The following ADCY2 variants were observed in gnomAD, a reference collection of about 807,000 sequenced individuals.
ADCY2 encodes the protein adenylate cyclase 2.
ADCY2 carries 31 observed loss-of-function variants against 125.2 expected under a neutral mutation model. The observed-to-expected ratio is 0.25, with a 90% CI of 0.19 to 0.33. The LOEUF is 0.33. Ranked by LOEUF, ADCY2 falls within the 10% of genes least tolerant of loss-of-function variation. ADCY2 has a pLI of 1.00. For missense variants in ADCY2, 904 were observed against 1,418.2 expected (o/e 0.64, Z 5.82); for synonymous variants, 512 against 548.4 (o/e 0.93, Z 0.93).
chr5:7,548,603 C>T (rs1735224135), intron 3 of ADCY2, among the ~76,000 whole-genome samples: 1 of 152,186 alleles, frequency 6.6e-6, no homozygotes, highest in South Asian at 2.1e-4. Flanking sequence ...ATTATTCTGT[C>T]CCTTCAAGAA....
intron 2 of ADCY2, among the ~76,000 whole-genome samples, chr5:7,496,882 C>A (rs1386116289): frequency 6.6e-6 from 1 of 152,020 alleles, no homozygotes; most frequent in African/African-American, 2.4e-5. Context: ...AATAATATAT[C>A]TAGGAATAAA....
chr5:7,802,189 T>G lies in ADCY2; in HGVS notation c.2629-29T>G. On this transcript the variant is annotated intron_variant, in intron 20 of 24. Transcript: ENST00000338316. This position sits in a 1 kb window ranked among gnomAD's most constrained non-coding sequence, Gnocchi z 4.6. ...TTCTGTTTAAAGGTCAGTCTCCTAG[T>G]GATCAGCTCTTGCTTTTCTCCCAAG... 1 of 1,610,646 alleles carries G rather than the reference T, an allele frequency of 6.2e-7. No homozygotes were observed. Among genetic ancestry groups the G allele is most frequent in the South Asian group, 1.1e-5 (1 of 90,642 alleles).
At chr5:7,610,965 T>C (rs1561124147) in intron 3 of ADCY2, 2 of 152,180 alleles carry the variant, frequency 1.3e-5, no homozygotes, top group East Asian at 3.9e-4. Flanking sequence ...CCAGGCATGG[T>C]TTTTTTTCTC....
intron 5 of ADCY2, chr5:7,692,113 T>G (rs1740724899): frequency 6.6e-6 from 1 of 152,218 alleles, no homozygotes. Flanking sequence ...ACCATATCAC[T>G]GAGTTATCGC....
intron 22 of ADCY2, 109 bp downstream of exon 22, chr5:7,804,801 A>G (rs75533750): frequency 3.9e-6 from 3 of 766,340 alleles, no homozygotes; most frequent in Non-Finnish European, 6.7e-6. Flanking sequence ...TATTTTGTAC[A>G]ACCTAAAGCT....
chr5:7,698,590 A>G (rs988203364), intron 7 of ADCY2, among the ~76,000 whole-genome samples: 1 of 151,138 alleles, frequency 6.6e-6, no homozygotes, highest in Non-Finnish European at 1.5e-5. Flanking sequence ...CCCTGTGTCC[A>G]TGTGTTCTCA....
At chr5:7,487,811 T>G (rs568838334) in intron 2 of ADCY2, among the ~76,000 whole-genome samples, 2 of 152,340 alleles carry the variant, frequency 1.3e-5, no homozygotes, top group South Asian at 4.1e-4. Context: ...ATGGTACTTT[T>G]GAGTCATCAT....
chr5:7,413,690 A>G (rs1739820629), intron 1 of ADCY2, among the ~76,000 whole-genome samples: 1 of 151,944 alleles, frequency 6.6e-6, no homozygotes. Flanking sequence ...ATTCTGTTCC[A>G]TAGTAAACGC....
chr5:7,503,081 T>G (rs1743656526), intron 2 of ADCY2, among the ~76,000 whole-genome samples: 1 of 152,160 alleles, frequency 6.6e-6, no homozygotes, highest in Admixed American at 6.5e-5. Context: ...TTGCTCCCCT[T>G]GTATCCAGTG....
At chr5:7,816,742 G>A in intron 22 of ADCY2, 124 bp from the exon 23 acceptor site, 1 of 700,472 alleles carries the variant, frequency 1.4e-6, no homozygotes, top group Non-Finnish European at 2.5e-6. Context: ...AATGTTTGCA[G>A]TGCCTTGTAG....
At chr5:7,439,529 TACAC>T (rs66460653) in intron 2 of ADCY2, among the ~76,000 whole-genome samples, 5,736 of 148,748 alleles carry the variant, frequency 0.039, 108 homozygotes, top group Middle Eastern at 0.073. Context: ...TGGGTTAAGA[TACAC>T]ACACACACAC....
At chr5:7,692,017 C>T (rs1486693307) in intron 5 of ADCY2, 2 of 152,336 alleles carry the variant, frequency 1.3e-5, no homozygotes, top group African/African-American at 2.4e-5. Flanking sequence ...GAAATCTACC[C>T]CTCTGGCCCA....
At chr5:7,422,233 G>A (rs1375452320) in intron 2 of ADCY2, among the ~76,000 whole-genome samples, 2 of 151,736 alleles carry the variant, frequency 1.3e-5, no homozygotes, top group African/African-American at 4.8e-5. Context: ...TGAGATGGGG[G>A]TCTTGCTATA....
chr5:7,789,106 T>A (rs372716241), intron 19 of ADCY2, among the ~76,000 whole-genome samples: 2 of 152,218 alleles, frequency 1.3e-5, no homozygotes, highest in Non-Finnish European at 2.9e-5. Flanking sequence ...ATGTAACGAA[T>A]GGCATTCTGT....
At chr5:7,665,228 G>C (rs1739672749) in intron 4 of ADCY2, among the ~76,000 whole-genome samples, 1 of 152,088 alleles carries the variant, frequency 6.6e-6, no homozygotes, top group Non-Finnish European at 1.5e-5. Context: ...CAACACCATT[G>C]TCCTTTCCTT....
At chr5:7,822,273 T>G (rs979194721) in intron 24 of ADCY2, among the ~76,000 whole-genome samples, 6 of 152,242 alleles carry the variant, frequency 3.9e-5, no homozygotes, top group African/African-American at 1.4e-4. Flanking sequence ...GAAATTTTGC[T>G]TAAACTGTGG....
At chr5:7,446,013 T>A (rs1004780011) in intron 2 of ADCY2, among the ~76,000 whole-genome samples, 23 of 152,334 alleles carry the variant, frequency 1.5e-4, no homozygotes, top group South Asian at 2.1e-4. Context: ...CATTACCATG[T>A]TTAATAATAG....
intron 4 of ADCY2, among the ~76,000 whole-genome samples, chr5:7,682,921 G>A (rs1740388969): frequency 6.6e-6 from 1 of 152,200 alleles, no homozygotes; most frequent in Non-Finnish European, 1.5e-5. Flanking sequence ...TCTAGTTAGA[G>A]AAAATCTTTT....
chr5:7,745,014 A>G (rs1312606971), intron 15 of ADCY2, among the ~76,000 whole-genome samples: 1 of 152,304 alleles, frequency 6.6e-6, no homozygotes, highest in Admixed American at 6.5e-5. Flanking sequence ...TGTGGCTTCT[A>G]TGAAAGAATT....
Sources: gnomAD v4.1 joint callset for allele counts (sites outside exome capture counted in the v4.1 genomes callset) on GRCh38, gnomAD v4.1.1 for gene constraint, Gnocchi (gnomAD v3.1) non-coding constraint, MANE v1.5 for transcripts, NCBI Gene and HGNC (gene_info 2026-07-23, HGNC 2026-07-21) for gene names.